CFAP221: variants seen among roughly 807,000 people sequenced by gnomAD.
CFAP221 encodes cilia- and flagella-associated protein 221.
Under a neutral mutation model 113.1 loss-of-function variants are expected in CFAP221, and 97 were observed. The ratio of observed to expected loss-of-function variants is 0.86; its 90% confidence interval spans 0.73 to 1.02. CFAP221 has a LOEUF of 1.02. Among genes scored for constraint, CFAP221 ranks in the 50% least tolerant of loss-of-function variants. The probability of loss-of-function intolerance (pLI) is 0.00; values close to 1 mark genes in which losing one functional copy is unlikely to be tolerated. For synonymous variants in CFAP221, 331 were observed against 354.4 expected (o/e 0.93, Z 0.74); for missense variants, 1,025 against 1,013.4 (o/e 1.01, Z -0.16).
At chr2:119,617,718 A>G (rs961167245) in intron 14 of CFAP221, among the ~76,000 whole-genome samples, 1 of 152,210 alleles carries the variant, frequency 6.6e-6, no homozygotes, top group South Asian at 2.1e-4. Context: ...GTTCCCCTAC[A>G]TCCAGTGCCA....
intron 20 of CFAP221, 31 bp from the exon 21 acceptor site, chr2:119,639,750 G>A: frequency 6.4e-7 from 1 of 1,568,090 alleles, no homozygotes; most frequent in African/African-American, 1.4e-5. Context: ...TCACCAAACA[G>A]TTGCTTCCCA....
At chr2:119,607,228 A>G (rs1268835452) in intron 11 of CFAP221, among the ~76,000 whole-genome samples, 1 of 152,196 alleles carries the variant, frequency 6.6e-6, no homozygotes, top group Non-Finnish European at 1.5e-5. Flanking sequence ...CCTGACCTCA[A>G]GCAATCCACT....
intron 7 of CFAP221, among the ~76,000 whole-genome samples, chr2:119,591,491 A>G (rs954467105): frequency 3.9e-5 from 6 of 152,194 alleles, no homozygotes; most frequent in African/African-American, 9.7e-5. Flanking sequence ...AATTGCTTCT[A>G]TTTACTAATT....
At chr2:119,601,418 T>G in intron 8 of CFAP221, 41 bp downstream of exon 8, 2 of 1,439,660 alleles carry the variant, frequency 1.4e-6, no homozygotes. Context: ...TTTTAACCCT[T>G]TTTTGAAAAT....
chr2:119,559,720 G>C lies in CFAP221; in HGVS notation c.272G>C (p.Arg91Pro), dbSNP rs185475282. The change falls in exon 4 of 24, where the codon CGT (arginine) becomes CCT (proline). Residue 91 changes from arginine (R) to proline (P), a missense_variant. Physicochemically the swap from Arg to Pro is moderately radical, Grantham distance 103. Coordinates refer to ENST00000413369, the MANE Select transcript of CFAP221 (RefSeq NM_001271049.2). ...HLVNVSNEDT[R>P]VHILPPQTKY... Reference sequence around the variant, plus strand: ...GTCAATGTTTCCAATGAAGACACACGTGTTCATATTTTACCCCCGCAAACC... The same window carrying C: ...GTCAATGTTTCCAATGAAGACACACCTGTTCATATTTTACCCCCGCAAACC... 7.4e-5 allele frequency: 113 copies of C among 1,532,168 alleles called. No homozygotes were observed. The African/African-American group carries it at 1.2e-3, about 17-fold the overall frequency. The allele number at this position is 1,532,168 out of a possible 1,614,324, so 94.9% of individuals were successfully genotyped here.
At chr2:119,626,353 C>T (rs1484771933) in intron 15 of CFAP221, among the ~76,000 whole-genome samples, 5 of 152,106 alleles carry the variant, frequency 3.3e-5, no homozygotes, top group African/African-American at 1.2e-4. Flanking sequence ...ATTATTCAGC[C>T]TATCTGATGA....
At chr2:119,575,740 C>A (rs1291600979) in intron 6 of CFAP221, among the ~76,000 whole-genome samples, 2 of 152,068 alleles carry the variant, frequency 1.3e-5, no homozygotes, top group Admixed American at 6.5e-5. Flanking sequence ...TAAAATAGTA[C>A]ATTTTATATT....
rs1683419152 is a variant in CFAP221, at chr2:119,589,172, C to T, written c.631+1950C>T. Among the ~76,000 whole-genome samples the T allele has an allele frequency of 2.0e-5, 3 of 152,184 alleles. 1 individual carries two copies. Reference sequence around the variant, plus strand: ...CCTCCTCGGTAGCTATTTTGTGAATCTCAGGTCATCGTTGCTCCACCAGTC... The same window carrying T: ...CCTCCTCGGTAGCTATTTTGTGAATTTCAGGTCATCGTTGCTCCACCAGTC... On this transcript the variant is annotated intron_variant, in intron 7 of 23. Coordinates refer to ENST00000413369, the MANE Select transcript of CFAP221 (RefSeq NM_001271049.2).
At chr2:119,637,052 C>G (rs1409219742) in intron 19 of CFAP221, among the ~76,000 whole-genome samples, 1 of 152,178 alleles carries the variant, frequency 6.6e-6, no homozygotes, top group Non-Finnish European at 1.5e-5. Context: ...CTCACACTAT[C>G]CCCATAGGGT....
Position 119,605,219 on chromosome 2 carries a change from A to T in CFAP221, c.1063A>T (p.Met355Leu), listed in dbSNP as rs1345610841. Residue 355 changes from methionine to leucine, a missense_variant, in exon 11 of 24, where the codon ATG becomes TTG. Physicochemically the swap from Met to Leu is conservative, Grantham distance 15. Transcript: ENST00000413369. ...QGTEISKTRQ[M>L]KEALFEQKVR... ...CACTGAAATTTCAAAAACGAGACAG[A>T]TGAAGGAGGCACTCTTTGAACAGAA... is the stretch of plus-strand genomic sequence containing the variant. 1.2e-6 allele frequency: 2 copies of T among 1,614,102 alleles called. No homozygotes were observed. Among genetic ancestry groups the T allele is most frequent in the East Asian group, 2.2e-5 (1 of 44,896 alleles).
At chr2:119,560,701 A>C (rs1253549115) in intron 5 of CFAP221, among the ~76,000 whole-genome samples, 1 of 152,236 alleles carries the variant, frequency 6.6e-6, no homozygotes, top group Non-Finnish European at 1.5e-5. Flanking sequence ...CATTAGTAAC[A>C]AATGAGTTTC....
intron 14 of CFAP221, among the ~76,000 whole-genome samples, chr2:119,621,891 T>A (rs1265534363): frequency 2.0e-5 from 3 of 152,138 alleles, no homozygotes; most frequent in African/African-American, 7.2e-5. Flanking sequence ...TGAAGTAATG[T>A]TTAGAGGGAA....
intron 6 of CFAP221, among the ~76,000 whole-genome samples, chr2:119,577,384 G>A (rs1309841142): frequency 6.6e-6 from 1 of 152,200 alleles, no homozygotes; most frequent in South Asian, 2.1e-4. Flanking sequence ...TTTGATGGTT[G>A]CTTATTAGAA....
At chr2:119,572,792 C>G in intron 6 of CFAP221, 1 of 534,586 alleles carries the variant, frequency 1.9e-6, no homozygotes. Flanking sequence ...CCGCCATGGG[C>G]TCCTGCAGCA....
downstream of CFAP221, among the ~76,000 whole-genome samples, chr2:119,659,733 C>T (rs1688553790): frequency 1.5e-5 from 2 of 129,840 alleles, no homozygotes; most frequent in Admixed American, 8.0e-5. Context: ...CACCCCTGGG[C>T]CTCTGCACAT....
chr2:119,629,965 G>A lies in CFAP221; in HGVS notation c.1731+10G>A, dbSNP rs1416626489. ...CTTCTTCAATCTGCAGGTCAGACCT[G>A]TCACATAAATTAATTAATTGAGTTT... is the stretch of plus-strand genomic sequence containing the variant. On this transcript the variant is annotated intron_variant, in intron 17 of 23. Transcript: ENST00000413369. 1.9e-6 allele frequency: 3 copies of A among 1,586,014 alleles called. No homozygotes were observed. Among genetic ancestry groups the A allele is most frequent in the Non-Finnish European group, 2.6e-6 (3 of 1,160,006 alleles).
intron 14 of CFAP221, among the ~76,000 whole-genome samples, chr2:119,621,206 CAA>C (rs1362465620): frequency 1.4e-5 from 2 of 141,214 alleles, no homozygotes; most frequent in African/African-American, 5.3e-5. Flanking sequence ...GCCTGGGCAA[CAA>C]GAGTGAAACT....
intron 7 of CFAP221, among the ~76,000 whole-genome samples, chr2:119,594,894 G>A (rs888567624): frequency 6.6e-6 from 1 of 152,228 alleles, no homozygotes; most frequent in South Asian, 2.1e-4. Context: ...GCACAAAGTT[G>A]GGAAGCAGCA....
At chr2:119,564,148 A>G (rs750795936) in intron 6 of CFAP221, among the ~76,000 whole-genome samples, 1 of 152,220 alleles carries the variant, frequency 6.6e-6, no homozygotes, top group Non-Finnish European at 1.5e-5. Flanking sequence ...TAGAAAGAGC[A>G]GCCACAGAAC....
Sources: gnomAD v4.1 joint callset for allele counts (sites outside exome capture counted in the v4.1 genomes callset) on GRCh38, gnomAD v4.1.1 for gene constraint, MANE v1.5 for transcripts, NCBI Gene and HGNC (gene_info 2026-07-23, HGNC 2026-07-21) for gene names.